Variants in ZNF574 observed in about 807,000 individuals in gnomAD.
ZNF574 encodes zinc finger protein 574.
Under a neutral mutation model 56.6 loss-of-function variants are expected in ZNF574, and 25 were observed. The observed-to-expected ratio is 0.44, with a 90% CI of 0.32 to 0.62. ZNF574 has a LOEUF of 0.62. Ranked by LOEUF, ZNF574 falls within the 20% of genes least tolerant of loss-of-function variation. The probability of loss-of-function intolerance (pLI) is 0.04; values close to 1 mark genes in which losing one functional copy is unlikely to be tolerated. For missense variants in ZNF574, 1,065 were observed against 1,218.9 expected, an observed-to-expected ratio of 0.87 and a Z score of 1.88; for synonymous variants, 543 against 492.1, an observed-to-expected ratio of 1.10 and a Z score of -1.37.
chr19:42,078,640 A>C lies in ZNF574; in HGVS notation c.34A>C (p.Ile12Leu). Reference protein sequence around the residue: ...TEESEETVLYIEHRYVCSECN... With the variant: ...TEESEETVLYLEHRYVCSECN... ...GGAATCAGAGGAGACAGTCCTGTAC[A>C]TTGAGCACCGCTATGTCTGCTCTGA... Residue 12 changes from isoleucine to leucine, a missense_variant, in exon 2 of 2, where the codon ATT becomes CTT. Physicochemically the swap from Ile to Leu is conservative, Grantham distance 5 (BLOSUM62 2). Transcript: ENST00000359044. 6.2e-7 allele frequency: 1 copy of C among 1,613,964 alleles called. No individual in the cohort carries two copies. The highest frequency in any genetic ancestry group is 1.1e-5 in the South Asian group (1 of 91,076).
upstream of ZNF574, among the ~76,000 whole-genome samples, chr19:42,071,732 G>A (rs974962027): frequency 6.6e-5 from 10 of 152,186 alleles, no homozygotes; most frequent in East Asian, 1.9e-4. Context: ...CGACCAGGGC[G>A]GTGGCTCATT....
chr19:42,081,099 C>T lies in ZNF574; in HGVS notation c.2493C>T (p.Tyr831=), dbSNP rs745777735. 1 of 1,614,204 alleles carries T rather than the reference C, an allele frequency of 6.2e-7. No individual in the cohort carries two copies. Among genetic ancestry groups the T allele is most frequent in the Non-Finnish European group, 8.5e-7 (1 of 1,180,048 alleles). The change falls in exon 2 of 2, where the codon TAC becomes TAT. Residue 831 remains tyrosine, a synonymous_variant. Coordinates refer to ENST00000359044, the MANE Select transcript of ZNF574 (RefSeq NM_022752.6). The stretch of plus-strand genomic sequence containing the variant: ...CCTGCCCTGACTGTGGCAAGAGCTA[C>T]CGCTCCTTCTCCAACCTCTGGAAGC... ...PYSCPDCGKS[Y]RSFSNLWKHR...
At position 42,080,879 on chromosome 19, in the gene ZNF574, G is replaced by A. The variant is rs142044419; in HGVS notation, c.2273G>A (p.Arg758His). Residue 758 changes from arginine to histidine, a missense_variant, in exon 2 of 2, where the codon CGC becomes CAC. By Grantham distance (29) the Arg-to-His change is conservative. Coordinates refer to ENST00000359044, the MANE Select transcript of ZNF574 (RefSeq NM_022752.6). This position sits in a 1 kb window ranked among gnomAD's most constrained non-coding sequence, Gnocchi z 8.5. ...GAGACGTCACTGCAGGTGCACCGGC[G>A]CATCCACACAGGTGAGCGGCCATAC... ...STETSLQVHRRIHTGERPYPC... is the reference protein window; with the variant it reads ...STETSLQVHRHIHTGERPYPC... The A allele has an allele frequency of 6.8e-6, 11 of 1,614,016 alleles. No individual in the cohort carries two copies. The highest frequency in any genetic ancestry group is 8.5e-6 in the Non-Finnish European group (10 of 1,180,028).
In ZNF574 at chr19:42,078,761, C is replaced by T. The variant is rs780036869; in HGVS notation, c.155C>T (p.Pro52Leu). ...TTTGAGCTGGTGGGCGTGGCTGATC[C>T]CGGAGTCACTGTGGCCACAGACACA... ...QHFELVGVADPGVTVATDTAS... is the reference protein window; with the variant it reads ...QHFELVGVADLGVTVATDTAS... Residue 52 changes from proline to leucine, a missense_variant, in exon 2 of 2, where the codon CCC becomes CTC. Pro to Leu is a moderately conservative substitution (Grantham distance 98). Coordinates refer to ENST00000359044, the MANE Select transcript of ZNF574 (RefSeq NM_022752.6). 3 of 1,614,050 alleles carry T rather than the reference C, an allele frequency of 1.9e-6. No individual in the cohort carries two copies. In the South Asian group the frequency reaches 3.3e-5, roughly 18 times the overall value.
At position 42,068,887 on chromosome 19, in the gene ZNF574, G is replaced by C. The variant is rs1035290452; in HGVS notation, c.176G>C (p.Gly59Ala). The change falls in exon 1 of 2, where the codon GGA becomes GCA. Residue 59 changes from glycine to alanine, a missense_variant. Transcript: ENST00000222339. The stretch of plus-strand genomic sequence containing the variant: ...CGCAGGCAGAGGATGAGGCTCAGAG[G>C]AACAGAAAGAGCCAGTCTGGGACCA... The C allele has an allele frequency of 4.4e-6, 3 of 685,032 alleles. No individual in the cohort carries two copies. The East Asian group carries it at 8.4e-5, about 19-fold the overall frequency. 42.4% of individuals were successfully genotyped at this position (685,032 alleles called of 1,614,324 possible).
intron 1 of ZNF574, among the ~76,000 whole-genome samples, chr19:42,077,755 C>T (rs559677726): frequency 1.1e-4 from 17 of 152,134 alleles, no homozygotes; most frequent in African/African-American, 3.9e-4. Flanking sequence ...GAGGAGTAGG[C>T]TTTTGTGAAA....
intron 1 of ZNF574, among the ~76,000 whole-genome samples, chr19:42,069,994 G>A (rs980931399): frequency 3.3e-5 from 5 of 152,108 alleles, no homozygotes; most frequent in African/African-American, 9.7e-5. Flanking sequence ...GCGGAGGAGG[G>A]TGGGGTGTCC....
intron 1 of ZNF574, among the ~76,000 whole-genome samples, chr19:42,069,718 A>AG (rs1254565947): frequency 2.0e-4 from 2 of 9,818 alleles, no homozygotes; most frequent in Non-Finnish European, 4.0e-4. Flanking sequence ...GAAGTGGGGG[A>AG]GGGGAGGGCC....
upstream of ZNF574, among the ~76,000 whole-genome samples, chr19:42,071,441 AAC>A (rs1027394752): frequency 6.6e-6 from 1 of 152,174 alleles, no homozygotes; most frequent in African/African-American, 2.4e-5. Flanking sequence ...GCATGCCTCG[AAC>A]ACACAGCTGG....
chr19:42,075,742 C>G (rs1187251096), upstream of ZNF574, among the ~76,000 whole-genome samples: 1 of 152,068 alleles, frequency 6.6e-6, no homozygotes, highest in Non-Finnish European at 1.5e-5. Context: ...TGCCGCGTGC[C>G]TCAATTTCCC....
At chr19:42,071,599 G>T (rs1238885177), upstream of ZNF574, among the ~76,000 whole-genome samples, 1 of 151,634 alleles carries the variant, frequency 6.6e-6, no homozygotes, top group Non-Finnish European at 1.5e-5. Context: ...ACCCCACTTG[G>T]TCAACATCTA....
At chr19:42,068,659 G>C (rs2076376169) in exon 1 of ZNF574, 1 of 430,500 alleles carries the variant, frequency 2.3e-6, no homozygotes, top group Middle Eastern at 3.1e-4. Flanking sequence ...GACTTGGAAA[G>C]AGGGAAGCCA....
rs774555697 is a variant in ZNF574, at chr19:42,080,340, C to T, written c.1734C>T (p.Pro578=). The change falls in exon 2 of 2, where the codon CCC becomes CCT. Residue 578 remains proline, a synonymous_variant. Coordinates refer to ENST00000359044, the MANE Select transcript of ZNF574 (RefSeq NM_022752.6). The surrounding 1 kb of genome is among the most constrained non-coding windows in gnomAD (Gnocchi z 8.5). ...GCTTGGTGCATGCCCAGCACTTCCC[C>T]TACCGCTGCCAGGAATGTGGGGTGC... The part of the protein sequence containing the change: ...QHRLVHAQHF[P]YRCQECGVRF... The T allele has an allele frequency of 1.2e-5, 19 of 1,614,098 alleles. No homozygotes were observed. In the Admixed American group the frequency reaches 2.3e-4, roughly 20 times the overall value.
chr19:42,080,219 T>A lies in ZNF574; in HGVS notation c.1613T>A (p.Leu538Gln). ...AAGCCCTTCAACTCACCTGCCAACC[T>A]GGCCCGCCACCGGCTCACACACACA... ...CSKPFNSPAN[L>Q]ARHRLTHTGE... Residue 538 changes from leucine to glutamine, a missense_variant, in exon 2 of 2, where the codon CTG becomes CAG. Leu to Gln is a moderately radical substitution (Grantham distance 113). Transcript: ENST00000359044. The surrounding 1 kb of genome is among the most constrained non-coding windows in gnomAD (Gnocchi z 8.5). 1 of 1,614,010 alleles carries A rather than the reference T, an allele frequency of 6.2e-7. No homozygotes were observed. Among genetic ancestry groups the A allele is most frequent in the Non-Finnish European group, 8.5e-7 (1 of 1,180,000 alleles).
Position 42,081,086 on chromosome 19 carries a change from G to C in ZNF574, c.2480G>C (p.Cys827Ser). The C allele has an allele frequency of 1.2e-6, 2 of 1,614,202 alleles. No homozygotes were observed. Among genetic ancestry groups the C allele is most frequent in the Non-Finnish European group, 1.7e-6 (2 of 1,180,044 alleles). The change falls in exon 2 of 2, where the codon TGT (cysteine) becomes TCT (serine). Residue 827 changes from cysteine to serine, a missense_variant. By Grantham distance (112) the Cys-to-Ser change is moderately radical. Transcript: ENST00000359044. ...GAACGACCCTACTCCTGCCCTGACT[G>C]TGGCAAGAGCTACCGCTCCTTCTCC... ...TGERPYSCPD[C>S]GKSYRSFSNL...
upstream of ZNF574, among the ~76,000 whole-genome samples, chr19:42,072,288 G>A (rs2076429964): frequency 7.0e-6 from 1 of 142,104 alleles, no homozygotes; most frequent in Non-Finnish European, 1.5e-5. Flanking sequence ...AGACTGGAGT[G>A]CAGTGGCATG....
intron 1 of ZNF574, among the ~76,000 whole-genome samples, chr19:42,076,581 A>G (rs949201369): frequency 6.6e-5 from 10 of 152,142 alleles, no homozygotes; most frequent in Non-Finnish European, 1.3e-4. Flanking sequence ...AGCTGTCCCA[A>G]GAGGGCTCCG....
At chr19:42,069,842 C>G (rs576525259) in intron 1 of ZNF574, among the ~76,000 whole-genome samples, 238 of 151,954 alleles carry the variant, frequency 1.6e-3, no homozygotes, top group Non-Finnish European at 2.6e-3. Flanking sequence ...GAAAAGCATG[C>G]TGGGGGCGGG....
chr19:42,074,446 CTCTG>C (rs532098062), upstream of ZNF574, among the ~76,000 whole-genome samples: 135 of 150,246 alleles, frequency 9.0e-4, no homozygotes, highest in African/African-American at 2.8e-3. Context: ...CAGAGAAAGA[CTCTG>C]TCTCATAAAT....
Sources: allele counts gnomAD v4.1 joint callset (sites outside exome capture counted in the v4.1 genomes callset), GRCh38; gene constraint gnomAD v4.1.1; non-coding constraint Gnocchi (gnomAD v3.1); transcripts MANE v1.5; gene names NCBI Gene and HGNC (gene_info 2026-07-23, HGNC 2026-07-21).